The following KCNIP1 variants were observed in gnomAD, a reference collection of about 807,000 sequenced individuals.
The protein encoded by KCNIP1 is potassium voltage-gated channel interacting protein 1.
In KCNIP1, 18 loss-of-function variants were observed where a neutral mutation model predicts 33.0. The ratio of observed to expected loss-of-function variants is 0.55; its 90% CI spans 0.38 to 0.81. KCNIP1 has a LOEUF of 0.81. Among genes scored for constraint, KCNIP1 ranks in the 30% least tolerant of loss-of-function variants. The pLI, the probability that KCNIP1 is intolerant of heterozygous loss-of-function variation, is 0.00. For missense variants in KCNIP1, 238 were observed against 271.6 expected, an observed-to-expected ratio of 0.88 and a Z score of 0.87; for synonymous variants, 93 against 98.3, an observed-to-expected ratio of 0.95 and a Z score of 0.32.
intron 1 of KCNIP1, among the ~76,000 whole-genome samples, chr5:170,429,408 C>T (rs1050194513): frequency 6.6e-6 from 1 of 151,520 alleles, no homozygotes. Flanking sequence ...TATATATTCT[C>T]ATACTGTAGG....
At chr5:170,644,895 G>A (rs145775820) in intron 1 of KCNIP1, among the ~76,000 whole-genome samples, 38 of 152,350 alleles carry the variant, frequency 2.5e-4, no homozygotes, top group African/African-American at 7.7e-4. Flanking sequence ...AGCTTGGCCT[G>A]AAGATCTGAG....
intron 1 of KCNIP1, among the ~76,000 whole-genome samples, chr5:170,490,343 G>A (rs1477747696): frequency 6.6e-6 from 1 of 152,200 alleles, no homozygotes; most frequent in Non-Finnish European, 1.5e-5. Flanking sequence ...CACATTGACG[G>A]GCTGGGGGTA....
chr5:170,596,674 G>T (rs959865349), intron 1 of KCNIP1, among the ~76,000 whole-genome samples: 3 of 152,230 alleles, frequency 2.0e-5, no homozygotes, highest in African/African-American at 7.2e-5. Context: ...GCTGGATAAT[G>T]ATCTCAAAGC....
At chr5:170,573,792 A>G (rs1757500242) in intron 1 of KCNIP1, among the ~76,000 whole-genome samples, 1 of 152,268 alleles carries the variant, frequency 6.6e-6, no homozygotes, top group Non-Finnish European at 1.5e-5. Flanking sequence ...GAGTTGAGTC[A>G]TTGGAACAGA....
chr5:170,647,737 A>T (rs950040366), intron 1 of KCNIP1, among the ~76,000 whole-genome samples: 12 of 152,230 alleles, frequency 7.9e-5, no homozygotes, highest in African/African-American at 2.9e-4. Flanking sequence ...TCTAGATATA[A>T]CACCAAAGGC....
chr5:170,370,247 T>C (rs1330357735), intron 1 of KCNIP1, among the ~76,000 whole-genome samples: 1 of 152,160 alleles, frequency 6.6e-6, no homozygotes, highest in Non-Finnish European at 1.5e-5. Flanking sequence ...ACACACTTAC[T>C]TGAAGAGAGA....
rs561515417 is a variant in KCNIP1 at position 170,581,520 on chromosome 5, A to G, written c.61+76887A>G. On this transcript the variant is annotated intron_variant, in intron 1 of 7. Transcript: ENST00000328939. ...GCCATATCTGGATCCAGTGGACATGAGTGAATCATTTATGATGTCTGCTTT... is the reference window on the plus strand; with the variant it reads ...GCCATATCTGGATCCAGTGGACATGGGTGAATCATTTATGATGTCTGCTTT... Among the ~76,000 whole-genome samples, 422 of 152,314 alleles carry G rather than the reference A, an allele frequency of 2.8e-3. 2 individuals carry two copies. The highest frequency in any genetic ancestry group is 3.5e-3 in the Non-Finnish European group (240 of 68,022).
intron 1 of KCNIP1, chr5:170,383,770 G>A (rs1764351716): frequency 1.2e-6 from 2 of 1,614,118 alleles, no homozygotes; most frequent in Non-Finnish European, 1.7e-6. Context: ...TGGGTACTGG[G>A]GCACCTTCTT....
intron 1 of KCNIP1, among the ~76,000 whole-genome samples, chr5:170,444,924 T>G (rs1194704232): frequency 1.3e-5 from 2 of 152,100 alleles, no homozygotes; most frequent in Non-Finnish European, 2.9e-5. Flanking sequence ...GAGAATTGAG[T>G]TGGGGCCACA....
rs1756686510 is a variant in KCNIP1 at position 170,469,916 on chromosome 5, AT to A, written c.88+115953del. 2.0e-5 allele frequency among the ~76,000 whole-genome samples: 3 copies of A among 152,328 alleles called. No homozygotes were observed. In the South Asian group the frequency reaches 6.2e-4, roughly 32 times the overall value. On this transcript the variant is annotated intron_variant, in intron 1 of 7. Transcript: ENST00000377360. The stretch of plus-strand genomic sequence containing the variant: ...TCCTCCATAAATAACAATTCTTTCA[AT>A]AGAGCTTTTCTCTCTTTCTTAATAA...
At chr5:170,516,333 A>G (rs1755119518) in intron 1 of KCNIP1, among the ~76,000 whole-genome samples, 1 of 152,178 alleles carries the variant, frequency 6.6e-6, no homozygotes, top group African/African-American at 2.4e-5. Context: ...GAACTGTTCT[A>G]TCATCATTCC....
At chr5:170,685,095 C>G (rs1416306879) in intron 1 of KCNIP1, among the ~76,000 whole-genome samples, 1 of 152,102 alleles carries the variant, frequency 6.6e-6, no homozygotes, top group East Asian at 1.9e-4. Context: ...CCTCTCCTTG[C>G]CCATAAGGAC....
chr5:170,437,423 G>T (rs551541878), intron 1 of KCNIP1, among the ~76,000 whole-genome samples: 1 of 152,188 alleles, frequency 6.6e-6, no homozygotes, highest in Non-Finnish European at 1.5e-5. Flanking sequence ...GTCACTCAAC[G>T]GCCATGAATG....
chr5:170,464,849 C>T (rs1414097069), intron 1 of KCNIP1, among the ~76,000 whole-genome samples: 52 of 152,176 alleles, frequency 3.4e-4, no homozygotes, highest in Admixed American at 3.3e-3. Flanking sequence ...CCAGACAGGG[C>T]GTGTTGTGCC....
At chr5:170,662,951 C>A (rs1362378145) in intron 1 of KCNIP1, among the ~76,000 whole-genome samples, 1 of 152,200 alleles carries the variant, frequency 6.6e-6, no homozygotes, top group African/African-American at 2.4e-5. Context: ...CCTTAAAACT[C>A]AAAAACTGGG....
intron 1 of KCNIP1, among the ~76,000 whole-genome samples, chr5:170,613,108 C>T (rs1759237551): frequency 6.6e-6 from 1 of 152,222 alleles, no homozygotes; most frequent in African/African-American, 2.4e-5. Flanking sequence ...AATGCCCTTC[C>T]ACCCTGTCTC....
intron 1 of KCNIP1, among the ~76,000 whole-genome samples, chr5:170,493,573 A>ACTAACCTCCAGC (rs1409994867): frequency 6.6e-6 from 1 of 152,086 alleles, no homozygotes; most frequent in Non-Finnish European, 1.5e-5. Context: ...GAGCCCATAG[A>ACTAACCTCCAGC]TGGGGTTAGT....
chr5:170,710,976 A>G (rs986440064), intron 1 of KCNIP1, among the ~76,000 whole-genome samples: 3 of 152,234 alleles, frequency 2.0e-5, no homozygotes, highest in Non-Finnish European at 4.4e-5. Context: ...ACCAGCAACC[A>G]ACAACATCCT....
Position 170,657,829 on chromosome 5 carries a change from T to C in KCNIP1, c.62-60929T>C, listed in dbSNP as rs367836380. ...ACAGTCACTCAGCCACTCAGCAAAC[T>C]TTGACTGCACAGCAACCCATGCCAG... On this transcript the variant is annotated intron_variant, in intron 1 of 7. Transcript: ENST00000328939. 1.5e-3 allele frequency among the ~76,000 whole-genome samples: 231 copies of C among 152,288 alleles called. 1 individual carries two copies. Among genetic ancestry groups the C allele is most frequent in the African/African-American group, 5.2e-3 (218 of 41,562 alleles).
Sources: gnomAD v4.1 joint callset for allele counts (sites outside exome capture counted in the v4.1 genomes callset) on GRCh38, gnomAD v4.1.1 for gene constraint, MANE v1.5 for transcripts, NCBI Gene and HGNC (gene_info 2026-07-23, HGNC 2026-07-21) for gene names.